The following TBC1D30 variants were observed in gnomAD, a reference collection of about 807,000 sequenced individuals.
TBC1D30 encodes TBC1 domain family member 30, also known as TBC1 domain family, member 30.
A neutral mutation model predicts 63.2 loss-of-function variants in TBC1D30; 31 were observed. The observed-to-expected ratio is 0.49, with a 90% confidence interval of 0.37 to 0.66. The LOEUF (loss-of-function observed/expected upper bound fraction) is 0.66, where lower values mean the gene tolerates loss of function less well. TBC1D30 is among the 30% of genes least tolerant of loss of function. TBC1D30 has a pLI of 0.00. For synonymous variants in TBC1D30, 307 were observed against 361.5 expected (o/e 0.85, Z 1.71); for missense variants, 810 against 953.6 (o/e 0.85, Z 1.98).
chr12:64,760,981 C>CTT (rs538703946), intron 1 of TBC1D30, among the ~76,000 whole-genome samples: 14 of 147,152 alleles, frequency 9.5e-5, no homozygotes, highest in African/African-American at 3.2e-4. Flanking sequence ...GATCTTAATA[C>CTT]TTTTTTTTTT....
At chr12:64,818,401 T>C in intron 2 of TBC1D30, 3 of 984,322 alleles carry the variant, frequency 3.0e-6, no homozygotes, top group Non-Finnish European at 3.6e-6. Context: ...CACACAATCC[T>C]TGTGTCCTTG....
chr12:64,866,499 C>T lies in TBC1D30; in HGVS notation c.1152-265C>T, dbSNP rs139785358. Among the ~76,000 whole-genome samples the T allele has an allele frequency of 1.4e-3, 206 of 151,776 alleles. 1 individual carries two copies. Among genetic ancestry groups the T allele is most frequent in the African/African-American group, 4.7e-3 (194 of 41,402 alleles). On this transcript the variant is annotated intron_variant, in intron 9 of 11. Coordinates refer to ENST00000539867, the MANE Select transcript of TBC1D30 (RefSeq NM_015279.2). ...CGTCGCCCAGGCTGGAATGCAGTGACGTGATTTGGCTCACTGCAACCTCCG... is the reference window on the plus strand; with the variant it reads ...CGTCGCCCAGGCTGGAATGCAGTGATGTGATTTGGCTCACTGCAACCTCCG...
At chr12:64,840,028 A>AAAAAAAAAAAAAAAT (rs1875732144) in intron 7 of TBC1D30, among the ~76,000 whole-genome samples, 1 of 141,826 alleles carries the variant, frequency 7.1e-6, no homozygotes, top group African/African-American at 2.6e-5. Flanking sequence ...AAAAAAAAAA[A>AAAAAAAAAAAAAAAT]TCCACCAACT....
In TBC1D30 at chr12:64,872,970, A is replaced by G. The variant is rs759022853; in HGVS notation, c.1499-2031A>G. Among the ~76,000 whole-genome samples, 10 of 152,244 alleles carry G rather than the reference A, an allele frequency of 6.6e-5. 1 individual carries two copies. The highest frequency in any genetic ancestry group is 4.6e-4 in the Admixed American group (7 of 15,288). On this transcript the variant is annotated intron_variant, in intron 11 of 11. Coordinates refer to ENST00000539867, the MANE Select transcript of TBC1D30 (RefSeq NM_015279.2). ...CTGGGTCCCTCCTACAACACGTGGG[A>G]ATTATGGGAGCTACAAGATGAGATT...
intron 8 of TBC1D30, among the ~76,000 whole-genome samples, chr12:64,855,389 T>G (rs1877215898): frequency 6.6e-6 from 1 of 152,216 alleles, no homozygotes. Context: ...GGAAGTTCTT[T>G]GATATTATCT....
chr12:64,774,140 A>G (rs1167337468), intron 1 of TBC1D30, among the ~76,000 whole-genome samples: 1 of 152,272 alleles, frequency 6.6e-6, no homozygotes, highest in East Asian at 1.9e-4. Context: ...TAAGAATTTC[A>G]TAATGCAATC....
chr12:64,766,965 T>C (rs1870737001), intron 1 of TBC1D30, among the ~76,000 whole-genome samples: 1 of 151,720 alleles, frequency 6.6e-6, no homozygotes, highest in Admixed American at 6.6e-5. Flanking sequence ...AAAACAGAAA[T>C]CAAAAGGGAA....
chr12:64,779,112 C>T (rs1871159997), upstream of TBC1D30: 3 of 152,090 alleles, frequency 2.0e-5, no homozygotes, highest in Non-Finnish European at 4.4e-5. Context: ...GATGGAGATT[C>T]CCTAAATGAG....
intron 2 of TBC1D30, among the ~76,000 whole-genome samples, chr12:64,809,235 T>G (rs1873061125): frequency 6.6e-6 from 1 of 152,056 alleles, no homozygotes; most frequent in Non-Finnish European, 1.5e-5. Flanking sequence ...GTGTAGTCTT[T>G]TATCCTTTGC....
chr12:64,777,540 C>T (rs1871119295), upstream of TBC1D30, among the ~76,000 whole-genome samples: 1 of 152,182 alleles, frequency 6.6e-6, no homozygotes, highest in African/African-American at 2.4e-5. Context: ...CCCAGTAATA[C>T]AGCTAACTAG....
At chr12:64,815,895 G>A (rs555799529) in intron 2 of TBC1D30, among the ~76,000 whole-genome samples, 4 of 151,488 alleles carry the variant, frequency 2.6e-5, no homozygotes, top group African/African-American at 9.7e-5. Flanking sequence ...CAGGTGATCC[G>A]CCCCAGTAGC....
chr12:64,844,190 C>T (rs1876156079), intron 8 of TBC1D30, among the ~76,000 whole-genome samples: 1 of 152,046 alleles, frequency 6.6e-6, no homozygotes, highest in Non-Finnish European at 1.5e-5. Context: ...TTTGTTTTGC[C>T]CACACTTTCA....
exon 1 of TBC1D30, chr12:64,781,252 C>T: frequency 8.7e-7 from 1 of 1,155,812 alleles, no homozygotes; most frequent in South Asian, 1.6e-5. Flanking sequence ...AGCGACCGAG[C>T]CAGCGGCATC....
chr12:64,767,084 T>A (rs1471592155), intron 1 of TBC1D30, among the ~76,000 whole-genome samples: 1 of 151,798 alleles, frequency 6.6e-6, no homozygotes, highest in East Asian at 1.9e-4. Flanking sequence ...ATGCCTATAT[T>A]TAAAAAAAGA....
chr12:64,837,420 G>T lies in TBC1D30; in HGVS notation c.763+762G>T, dbSNP rs553223410. On this transcript the variant is annotated intron_variant, in intron 6 of 11. Coordinates refer to ENST00000539867, the MANE Select transcript of TBC1D30 (RefSeq NM_015279.2). ...GAACTTGTTTTCTTGCAACTAGATG[G>T]TCCCAACTGGGGGTGATGGGAGAAA... Among the ~76,000 whole-genome samples the T allele has an allele frequency of 3.3e-5, 5 of 151,810 alleles. No homozygotes were observed. In the South Asian group the frequency reaches 8.4e-4, roughly 25 times the overall value.
At chr12:64,870,911 G>A in intron 11 of TBC1D30, 103 bp downstream of exon 11, 1 of 1,119,266 alleles carries the variant, frequency 8.9e-7, no homozygotes, top group Non-Finnish European at 1.3e-6. Flanking sequence ...CTGTAGCTCA[G>A]TATCCATCAA....
Position 64,836,666 on chromosome 12 carries a change from T to G in TBC1D30, c.763+8T>G. Reference sequence around the variant, plus strand: ...CAAACAAAGAAAGTGGAGGTAGGTTTCAATGCTATTATAACTCTGAAAATA... The same window carrying G: ...CAAACAAAGAAAGTGGAGGTAGGTTGCAATGCTATTATAACTCTGAAAATA... On this transcript the variant is annotated splice_region_variant and intron_variant, in intron 6 of 11. Transcript: ENST00000539867. 7 of 1,531,638 alleles carry G rather than the reference T, an allele frequency of 4.6e-6. No homozygotes were observed. Among genetic ancestry groups the G allele is most frequent in the Non-Finnish European group, 6.1e-6 (7 of 1,143,380 alleles). The allele number at this position is 1,531,638 out of a possible 1,614,324, so 94.9% of individuals were successfully genotyped here.
rs142586384 is a variant in TBC1D30, at chr12:64,852,136, C to T, written c.1038+8651C>T. ...TTTTCCAACTCAGTTCCATTCTTCC[C>T]GTCACTTTCAGGTACACCACTCAAA... On this transcript the variant is annotated intron_variant, in intron 8 of 11. Coordinates refer to ENST00000539867, the MANE Select transcript of TBC1D30 (RefSeq NM_015279.2). Among the ~76,000 whole-genome samples, 52 of 152,264 alleles carry T rather than the reference C, an allele frequency of 3.4e-4. No individual in the cohort carries two copies. The East Asian group carries it at 4.6e-3, about 14-fold the overall frequency.
chr12:64,828,028 A>T (rs1874517703), intron 2 of TBC1D30, 132 bp downstream of exon 2: 2 of 710,494 alleles, frequency 2.8e-6, no homozygotes, highest in Admixed American at 6.3e-5. Flanking sequence ...TATTTCAGTT[A>T]AAGTAGCTTT....
Sources: gnomAD v4.1 joint callset for allele counts (sites outside exome capture counted in the v4.1 genomes callset) on GRCh38, gnomAD v4.1.1 for gene constraint, MANE v1.5 for transcripts, NCBI Gene and HGNC (gene_info 2026-07-23, HGNC 2026-07-21) for gene names.